The following ZFPM1 variants were observed in gnomAD, a reference collection of about 807,000 sequenced individuals.
ZFPM1 encodes the protein zinc finger protein, FOG family member 1.
A neutral mutation model predicts 46.3 loss-of-function variants in ZFPM1; 28 were observed. The observed-to-expected ratio is 0.60, with a 90% CI of 0.45 to 0.83. The LOEUF (loss-of-function observed/expected upper bound fraction) is 0.83. Ranked by LOEUF, ZFPM1 falls within the 40% of genes least tolerant of loss-of-function variation. ZFPM1 has a pLI of 0.00. For missense variants in ZFPM1, 1,878 were observed against 1,432.4 expected (o/e 1.31, Z -5.02); for synonymous variants, 957 against 675.9 (o/e 1.42, Z -6.45).
In ZFPM1 at chr16:88,534,521, G is replaced by A; in HGVS notation, c.2563G>A (p.Ala855Thr). 1 of 1,435,230 alleles carries A rather than the reference G, an allele frequency of 7.0e-7. No homozygotes were observed. The highest frequency in any genetic ancestry group is 9.1e-7 in the Non-Finnish European group (1 of 1,096,926). The allele number at this position is 1,435,230 out of a possible 1,614,324, so 88.9% of individuals were successfully genotyped here. ...CGGCGCGCTCGGCCTGCCCGCCGCC[G>A]CCTGCCCCTACTGCCCCCCGAACGG... ...PPGALGLPAA[A>T]CPYCPPNGPV... Residue 855 changes from alanine to threonine, a missense_variant, in exon 10 of 10, where the codon GCC (alanine) becomes ACC (threonine). Ala to Thr is a moderately conservative substitution (Grantham distance 58, BLOSUM62 0). Transcript: ENST00000319555.
At chr16:88,518,373 G>A (rs908499516) in intron 4 of ZFPM1, among the ~76,000 whole-genome samples, 2 of 150,042 alleles carry the variant, frequency 1.3e-5, no homozygotes, top group Non-Finnish European at 3.0e-5. Context: ...GAATGAATGG[G>A]TAGGTGGCTG....
chr16:88,462,261 C>T (rs988516243), intron 1 of ZFPM1, among the ~76,000 whole-genome samples: 10 of 152,196 alleles, frequency 6.6e-5, no homozygotes, highest in South Asian at 2.1e-4. Flanking sequence ...GGGCAGCTTC[C>T]GAGAGCTCAG....
intron 3 of ZFPM1, among the ~76,000 whole-genome samples, chr16:88,503,765 C>A (rs1432826336): frequency 1.3e-5 from 2 of 152,202 alleles, no homozygotes; most frequent in African/African-American, 4.8e-5. Context: ...TGGGGCTGGG[C>A]TCACCCCGGG....
chr16:88,459,719 C>A (rs1174460000), intron 1 of ZFPM1, among the ~76,000 whole-genome samples: 3 of 84,340 alleles, frequency 3.6e-5, no homozygotes, highest in Non-Finnish European at 7.4e-5. Context: ...CCCCTCTTCC[C>A]CTTCCTCCTC....
rs115896664 is a variant in ZFPM1, at chr16:88,461,163, A to C, written c.40+7485A>C. On this transcript the variant is annotated intron_variant, in intron 1 of 9. Transcript: ENST00000319555. ...CCTGGTGAGGACCGAGGGGCGGGAG[A>C]CCTGGTGAGGACCGAGGGGCGGGGC... Among the ~76,000 whole-genome samples, 109 of 39,826 alleles carry C rather than the reference A, an allele frequency of 2.7e-3. 2 individuals are homozygous for C. Among genetic ancestry groups the C allele is most frequent in the African/African-American group, 0.017 (101 of 5,948 alleles). 26.1% of individuals were successfully genotyped at this position (39,826 alleles called of 152,430 possible). A position where few individuals can be genotyped will look rare whatever the true frequency, so the allele number is the denominator to read the frequency against.
Position 88,525,754 on chromosome 16 carries a change from G to A in ZFPM1, c.403-1060G>A, listed in dbSNP as rs547288831. Among the ~76,000 whole-genome samples the A allele has an allele frequency of 1.8e-3, 279 of 152,302 alleles. 1 individual carries two copies. The highest frequency in any genetic ancestry group is 6.3e-3 in the African/African-American group (261 of 41,570). ...TGACCAGTGTTGGGCACCACAGAGC[G>A]AGGCCATGGACTGCCCGCCCCACCT... is the stretch of plus-strand genomic sequence containing the variant. On this transcript the variant is annotated intron_variant, in intron 4 of 9. Coordinates refer to ENST00000319555, the MANE Select transcript of ZFPM1 (RefSeq NM_153813.3).
chr16:88,489,104 A>G lies in ZFPM1; in HGVS notation c.219A>G (p.Pro73=), dbSNP rs201861030. ...GGPKELEGQE[P]EPRPTEEEPG... ...CCAAGGAGCTGGAAGGACAGGAACC[A>G]GAACCCAGGCCCACGGAGGAAGAGC... The change falls in exon 3 of 10, where the codon CCA becomes CCG. Residue 73 remains proline, a synonymous_variant. Transcript: ENST00000319555. The G allele has an allele frequency of 6.2e-7, 1 of 1,612,722 alleles. No individual in the cohort carries two copies. The highest frequency in any genetic ancestry group is 2.2e-5 in the East Asian group (1 of 44,838).
chr16:88,486,767 A>G (rs868611486), intron 2 of ZFPM1, among the ~76,000 whole-genome samples: 2 of 113,802 alleles, frequency 1.8e-5, no homozygotes, highest in Non-Finnish European at 3.6e-5. Flanking sequence ...CACAGTGGAT[A>G]CTGGGTGCAA....
intron 2 of ZFPM1, among the ~76,000 whole-genome samples, chr16:88,488,750 G>A (rs1038469619): frequency 3.3e-5 from 5 of 152,232 alleles, no homozygotes; most frequent in African/African-American, 9.6e-5. Flanking sequence ...CCTGCTGGCC[G>A]GGACAGGCCA....
In ZFPM1 at chr16:88,534,229, C is replaced by G; in HGVS notation, c.2271C>G (p.Pro757=). The part of the protein sequence containing the change: ...YELHAAGAPP[P]PPPGHAPAPE... ...TGCACGCGGCCGGCGCCCCGCCCCCCCCGCCGCCCGGCCACGCCCCCGCGC... is the reference window on the plus strand; with the variant it reads ...TGCACGCGGCCGGCGCCCCGCCCCCGCCGCCGCCCGGCCACGCCCCCGCGC... The change falls in exon 10 of 10, where the codon CCC becomes CCG. Residue 757 remains proline (P), a synonymous_variant. Coordinates refer to ENST00000319555, the MANE Select transcript of ZFPM1 (RefSeq NM_153813.3). 5.1e-6 allele frequency: 5 copies of G among 986,696 alleles called. No homozygotes were observed. Among genetic ancestry groups the G allele is most frequent in the Non-Finnish European group, 6.0e-6 (5 of 832,482 alleles). The allele number at this position is 986,696 out of a possible 1,614,324, so 61.1% of individuals were successfully genotyped here.
intron 4 of ZFPM1, among the ~76,000 whole-genome samples, chr16:88,525,825 T>C (rs1018725350): frequency 6.6e-6 from 1 of 152,210 alleles, no homozygotes; most frequent in African/African-American, 2.4e-5. Context: ...GCCCCTCGCA[T>C]TTCCTCTGCC....
chr16:88,519,483 T>A (rs1597272972), intron 4 of ZFPM1, among the ~76,000 whole-genome samples: 3 of 135,316 alleles, frequency 2.2e-5, no homozygotes, highest in African/African-American at 8.5e-5. Context: ...TGGATAGACA[T>A]ATGGGTGGAT....
chr16:88,490,045 A>G (rs1235262946), intron 3 of ZFPM1, among the ~76,000 whole-genome samples: 1 of 151,328 alleles, frequency 6.6e-6, no homozygotes, highest in African/African-American at 2.4e-5. Context: ...CAGATGCAGC[A>G]AGTATTTATT....
rs143112934 is a variant in ZFPM1 at position 88,479,388 on chromosome 16, C to T, written c.41-6551C>T. On this transcript the variant is annotated intron_variant, in intron 1 of 9. Coordinates refer to ENST00000319555, the MANE Select transcript of ZFPM1 (RefSeq NM_153813.3). ...ACTCACCAGGGACCTGGGAGGGCGC[C>T]GCTTGGCTGGAGGTCATGCTGTAGA... Among the ~76,000 whole-genome samples the T allele has an allele frequency of 7.9e-5, 12 of 152,202 alleles. No individual in the cohort carries two copies. The East Asian group carries it at 1.7e-3, about 22-fold the overall frequency.
chr16:88,521,356 G>A (rs1189408913), intron 4 of ZFPM1, among the ~76,000 whole-genome samples: 4 of 151,850 alleles, frequency 2.6e-5, no homozygotes, highest in Non-Finnish European at 2.9e-5. Flanking sequence ...GACCCCTGAC[G>A]CCAGGCTCTG....
intron 1 of ZFPM1, among the ~76,000 whole-genome samples, chr16:88,462,677 G>A (rs1907952496): frequency 6.6e-6 from 1 of 152,184 alleles, no homozygotes; most frequent in Non-Finnish European, 1.5e-5. Context: ...TCCTGGAGTG[G>A]AGAATCCTAG....
rs994108378 is a variant in ZFPM1, at chr16:88,497,688, G to A, written c.268+8535G>A. On this transcript the variant is annotated intron_variant, in intron 3 of 9. Coordinates refer to ENST00000319555, the MANE Select transcript of ZFPM1 (RefSeq NM_153813.3). The surrounding 1 kb of genome is among the most constrained non-coding windows in gnomAD (Gnocchi z 5.4). ...GTCCAGCATCCCGGCGCTGGGAGCC[G>A]GCAGCTGCTGTGAGGCGGGAGGAGG... Among the ~76,000 whole-genome samples the A allele has an allele frequency of 6.6e-6, 1 of 152,156 alleles. No homozygotes were observed. The highest frequency in any genetic ancestry group is 6.5e-5 in the Admixed American group (1 of 15,286).
chr16:88,506,031 G>A (rs1910640046), intron 3 of ZFPM1, among the ~76,000 whole-genome samples: 1 of 152,152 alleles, frequency 6.6e-6, no homozygotes. Context: ...GGCCTGGGGT[G>A]AGAAGAAAAC....
At chr16:88,487,624 TTC>T (rs1186638930) in intron 2 of ZFPM1, among the ~76,000 whole-genome samples, 5 of 152,006 alleles carry the variant, frequency 3.3e-5, no homozygotes, top group Admixed American at 3.3e-4. Flanking sequence ...GGAGCGGGAT[TTC>T]TCAGTGGGGA....
Sources: allele counts gnomAD v4.1 joint callset (sites outside exome capture counted in the v4.1 genomes callset), GRCh38; gene constraint gnomAD v4.1.1; non-coding constraint Gnocchi (gnomAD v3.1); transcripts MANE v1.5; gene names NCBI Gene and HGNC (gene_info 2026-07-23, HGNC 2026-07-21).